The following ZFHX3 variants were observed in gnomAD, a reference collection of about 807,000 sequenced individuals.
ZFHX3 encodes the protein zinc finger homeobox protein 3.
Under a neutral mutation model 279.1 loss-of-function variants are expected in ZFHX3, and 42 were observed. The ratio of observed to expected loss-of-function variants is 0.15; its 90% CI spans 0.12 to 0.19. The LOEUF (loss-of-function observed/expected upper bound fraction) is 0.19. ZFHX3 is among the 10% of genes least tolerant of loss of function. The pLI is 1.00. For synonymous variants in ZFHX3, 2,293 were observed against 1,957.8 expected (o/e 1.17, Z -4.52); for missense variants, 4,981 against 4,754.0 (o/e 1.05, Z -1.40).
chr16:72,888,758 G>C (rs1252149979), intron 4 of ZFHX3, among the ~76,000 whole-genome samples: 1 of 152,206 alleles, frequency 6.6e-6, no homozygotes, highest in African/African-American at 2.4e-5. Flanking sequence ...GTCAATCAAA[G>C]ATCAGCAGCG....
upstream of ZFHX3, chr16:73,062,423 C>T (rs781298361): frequency 6.6e-6 from 1 of 152,150 alleles, no homozygotes; most frequent in Non-Finnish European, 1.5e-5. Flanking sequence ...AGTGCTCGCT[C>T]ACTGGGGGCT....
intron 5 of ZFHX3, among the ~76,000 whole-genome samples, chr16:72,822,793 GAGT>G (rs1441826005): frequency 4.0e-5 from 5 of 125,792 alleles, no homozygotes; most frequent in Non-Finnish European, 8.0e-5. Flanking sequence ...TCTAGAAAGT[GAGT>G]TTTTTTTTTT....
At chr16:72,900,343 C>T (rs1374936848) in intron 3 of ZFHX3, among the ~76,000 whole-genome samples, 1 of 152,134 alleles carries the variant, frequency 6.6e-6, no homozygotes, top group African/African-American at 2.4e-5. Context: ...TTATTTGTAT[C>T]TCCAATCCCA....
chr16:73,509,859 C>T (rs1011774532), intron 2 of ZFHX3, among the ~76,000 whole-genome samples: 1 of 152,084 alleles, frequency 6.6e-6, no homozygotes, highest in Non-Finnish European at 1.5e-5. Flanking sequence ...CCATGCCCGG[C>T]TGATTTTTGC....
intron 3 of ZFHX3, chr16:73,400,734 A>AG (rs2017233856): frequency 6.6e-6 from 1 of 152,228 alleles, no homozygotes; most frequent in Non-Finnish European, 1.5e-5. Context: ...GTCCCTGGTT[A>AG]GGGGCAAGGC....
chr16:73,029,438 G>A (rs1964618661), intron 1 of ZFHX3, among the ~76,000 whole-genome samples: 1 of 152,192 alleles, frequency 6.6e-6, no homozygotes, highest in African/African-American at 2.4e-5. Context: ...CTGAAATGCT[G>A]GAGAAAAGCT....
intron 3 of ZFHX3, among the ~76,000 whole-genome samples, chr16:73,339,645 T>C (rs1229507553): frequency 6.6e-6 from 1 of 152,214 alleles, no homozygotes; most frequent in African/African-American, 2.4e-5. Context: ...GGGTTGCTTA[T>C]TCAACCATTG....
chr16:73,430,629 C>T lies in ZFHX3; in HGVS notation c.-1291+25374G>A, dbSNP rs149665604. ...GAAGCATTGGGTTGGAGCCCTGGCT[C>T]TTCTGCCTGTCATTTGTGCTGCTGA... On this transcript the variant is annotated intron_variant, in intron 3 of 17. Coordinates refer to the ZFHX3 transcript ENST00000641206. Among the ~76,000 whole-genome samples the T allele has an allele frequency of 2.1e-3, 324 of 152,284 alleles. 5 individuals carry two copies. The highest frequency in any genetic ancestry group is 7.3e-3 in the African/African-American group (305 of 41,554).
At chr16:73,889,078 C>T (rs369105494) in intron 1 of ZFHX3, among the ~76,000 whole-genome samples, 32 of 152,296 alleles carry the variant, frequency 2.1e-4, no homozygotes, top group African/African-American at 6.7e-4. Flanking sequence ...TAGATTGATA[C>T]GGATGCCTAA....
chr16:73,062,099 CAA>C (rs936864571), upstream of ZFHX3: 2 of 150,952 alleles, frequency 1.3e-5, no homozygotes, highest in Admixed American at 6.6e-5. Context: ...AAAAAGGAAA[CAA>C]GAAATTCAGA....
At chr16:72,788,995 T>G in intron 9 of ZFHX3, 147 bp from the exon 10 acceptor site, 4 of 1,237,704 alleles carry the variant, frequency 3.2e-6, no homozygotes, top group Non-Finnish European at 4.3e-6. Context: ...AACAGAAGTA[T>G]CCCACCAGGC....
chr16:73,604,483 C>T (rs1436145723), intron 2 of ZFHX3, among the ~76,000 whole-genome samples: 1 of 152,098 alleles, frequency 6.6e-6, no homozygotes, highest in Non-Finnish European at 1.5e-5. Flanking sequence ...CAGTGACTCA[C>T]GCCTGTAATC....
chr16:72,917,234 C>G (rs1384341551), intron 3 of ZFHX3, among the ~76,000 whole-genome samples: 1 of 152,170 alleles, frequency 6.6e-6, no homozygotes, highest in Admixed American at 6.5e-5. Flanking sequence ...GAGCAACACC[C>G]TGTCTCAATA....
intron 1 of ZFHX3, among the ~76,000 whole-genome samples, chr16:73,825,807 T>C (rs1960872961): frequency 1.4e-5 from 1 of 72,562 alleles, no homozygotes; most frequent in Non-Finnish European, 2.5e-5. Context: ...TACTGTAGCC[T>C]TGTAGTATAG....
At chr16:73,548,754 T>C (rs879258262) in intron 2 of ZFHX3, among the ~76,000 whole-genome samples, 3 of 152,160 alleles carry the variant, frequency 2.0e-5, no homozygotes, top group Admixed American at 2.0e-4. Context: ...GAAGGAAAGA[T>C]AACTTGTATA....
intron 1 of ZFHX3, among the ~76,000 whole-genome samples, chr16:73,713,771 A>T (rs1324085984): frequency 6.6e-6 from 1 of 152,156 alleles, no homozygotes; most frequent in African/African-American, 2.4e-5. Flanking sequence ...TGACACCAGC[A>T]CAGCAAGCGA....
chr16:72,898,185 T>A (rs1361725068), intron 3 of ZFHX3, among the ~76,000 whole-genome samples: 1 of 152,222 alleles, frequency 6.6e-6, no homozygotes, highest in Non-Finnish European at 1.5e-5. Context: ...CTCTCGTCCT[T>A]GACGCATGCT....
chr16:73,616,437 A>AG (rs1567533925), intron 2 of ZFHX3, among the ~76,000 whole-genome samples: 1 of 147,596 alleles, frequency 6.8e-6, no homozygotes, highest in Non-Finnish European at 1.5e-5. Flanking sequence ...GGAAAAAAAA[A>AG]AAAACACCAA....
intron 1 of ZFHX3, among the ~76,000 whole-genome samples, chr16:73,793,507 C>A (rs1959896698): frequency 6.6e-6 from 1 of 152,206 alleles, no homozygotes. Flanking sequence ...ATGCTCCTTG[C>A]AATAAAAAGC....
Sources: gnomAD v4.1 joint callset for allele counts (sites outside exome capture counted in the v4.1 genomes callset) on GRCh38, gnomAD v4.1.1 for gene constraint, MANE v1.5 for transcripts, NCBI Gene and HGNC (gene_info 2026-07-23, HGNC 2026-07-21) for gene names.